Variants in ADGRD2 observed in about 807,000 individuals in gnomAD.
ADGRD2 encodes the protein G protein-coupled receptor PGR24.
A neutral mutation model predicts 44.4 loss-of-function variants in ADGRD2; 71 were observed. The ratio of observed to expected loss-of-function variants is 1.60; its 90% confidence interval spans 1.32 to 1.95. ADGRD2 has a LOEUF of 1.95. Among genes scored for constraint, ADGRD2 ranks in the 30% most tolerant of loss-of-function variants. The probability of loss-of-function intolerance (pLI) is 0.00; values close to 1 mark genes in which losing one functional copy is unlikely to be tolerated. For missense variants in ADGRD2, 1,039 were observed against 512.4 expected, an observed-to-expected ratio of 2.03 and a Z score of -9.92; for synonymous variants, 481 against 224.8, an observed-to-expected ratio of 2.14 and a Z score of -10.19.
chr9:124,457,342 C>A (rs1343021007), intron 7 of ADGRD2, 130 bp from the exon 11 acceptor site: 2 of 438,794 alleles, frequency 4.6e-6, no homozygotes, highest in South Asian at 7.7e-5. Context: ...AGTTGCTGAA[C>A]CTCTCTGAGC....
At chr9:124,473,212 G>A (rs1483593492) in intron 17 of ADGRD2, among the ~76,000 whole-genome samples, 1 of 152,236 alleles carries the variant, frequency 6.6e-6, no homozygotes, top group African/African-American at 2.4e-5. Flanking sequence ...GTGACCAAGT[G>A]ACCAGGGAGG....
rs570036668 is a variant in ADGRD2 at position 124,456,106 on chromosome 9, G to A, written c.1394-516G>A. Reference sequence around the variant, plus strand: ...CACTGCAGTAGACTGAGGAAAGCCAGACTGAAGCTCAGTTTTCTTCCCTGG... The same window carrying A: ...CACTGCAGTAGACTGAGGAAAGCCAAACTGAAGCTCAGTTTTCTTCCCTGG... On this transcript the variant is annotated intron_variant, in intron 6 of 21. Coordinates refer to ENST00000334810, the Ensembl canonical transcript of ADGRD2. 4.6e-5 allele frequency among the ~76,000 whole-genome samples: 7 copies of A among 152,340 alleles called. 1 individual carries two copies. In the South Asian group the frequency reaches 1.4e-3, roughly 32 times the overall value.
intron 14 of ADGRD2, 74 bp from the exon 18 acceptor site, chr9:124,469,148 G>A (rs908699124): frequency 1.1e-5 from 7 of 655,518 alleles, no homozygotes; most frequent in Non-Finnish European, 1.9e-5. Flanking sequence ...GCTGCGGCTT[G>A]GGGGGCGGAT....
Position 124,468,634 on chromosome 9 carries a change from C to T in ADGRD2, c.2351C>T (p.Pro784Leu), listed in dbSNP as rs761728780. 8.4e-6 allele frequency: 6 copies of T among 717,910 alleles called. No individual in the cohort carries two copies. In the East Asian group the frequency reaches 1.1e-4, roughly 13 times the overall value. The allele number at this position is 717,910 out of a possible 1,614,324, so 44.5% of individuals were successfully genotyped here. A position where few individuals can be genotyped will look rare whatever the true frequency, so the allele number is the denominator to read the frequency against. The change falls in exon 14 of 22, where the codon CCG becomes CTG. Residue 784 changes from proline to leucine, a missense_variant. Coordinates refer to ENST00000334810, the Ensembl canonical transcript of ADGRD2. ...AAGGTGGTAGCTGTGAGCATGCACC[C>T]GGGCCCAGGCATGCGGCTCTACCAC...
Position 124,458,253 on chromosome 9 carries a change from T to A in ADGRD2, c.1764+17T>A, listed in dbSNP as rs1245637364. 9 of 717,990 alleles carry A rather than the reference T, an allele frequency of 1.3e-5. No homozygotes were observed. The highest frequency in any genetic ancestry group is 2.7e-5 in the East Asian group (1 of 37,282). The allele number at this position is 717,990 out of a possible 1,614,324, so 44.5% of individuals were successfully genotyped here. A position where few individuals can be genotyped will look rare whatever the true frequency, so the allele number is the denominator to read the frequency against. Reference sequence around the variant, plus strand: ...GGTGCAGAGGTGAGTAGGCGCCACCTGGAGGGCTGTGAGGGCCTGTGTCCC... The same window carrying A: ...GGTGCAGAGGTGAGTAGGCGCCACCAGGAGGGCTGTGAGGGCCTGTGTCCC... On this transcript the variant is annotated intron_variant, in intron 9 of 21. Transcript: ENST00000334810.
At chr9:124,451,411 C>T, upstream of ADGRD2, 1 of 360,184 alleles carries the variant, frequency 2.8e-6, no homozygotes, top group Non-Finnish European at 5.5e-6. Context: ...CCTGAAGGGG[C>T]TCCTGGAGAC....
chr9:124,465,360 T>TC (rs892895921), intron 10 of ADGRD2: 3 of 151,756 alleles, frequency 2.0e-5, no homozygotes, highest in African/African-American at 7.3e-5. Flanking sequence ...AGGTTCTTTT[T>TC]TTTTTTTTTG....
exon 7 of ADGRD2, chr9:124,456,731 C>T: frequency 4.2e-6 from 3 of 707,058 alleles, no homozygotes; most frequent in Non-Finnish European, 7.8e-6. Flanking sequence ...CACCGCCATG[C>T]TGGTGAGCCT....
Position 124,475,558 on chromosome 9 carries a change from A to C in ADGRD2, c.2801-13A>C. 5.9e-6 allele frequency: 4 copies of C among 673,202 alleles called. No individual in the cohort carries two copies. Among genetic ancestry groups the C allele is most frequent in the Non-Finnish European group, 1.1e-5 (4 of 357,038 alleles). The allele number at this position is 673,202 out of a possible 1,614,324, so 41.7% of individuals were successfully genotyped here. A position where few individuals can be genotyped will look rare whatever the true frequency, so the allele number is the denominator to read the frequency against. ...GGGAGGGTCCCCAGCCTGACCTCCA[A>C]GTATTCCCCCAGGTGCGGAGCGCCC... On this transcript the variant is annotated splice_polypyrimidine_tract_variant and intron_variant, in intron 18 of 21. Coordinates refer to ENST00000334810, the Ensembl canonical transcript of ADGRD2.
At chr9:124,471,616 C>T (rs1831945951) in intron 17 of ADGRD2, among the ~76,000 whole-genome samples, 2 of 152,158 alleles carry the variant, frequency 1.3e-5, no homozygotes, top group South Asian at 4.1e-4. Context: ...GCAGCAGCAG[C>T]GGGGGCACCA....
intron 17 of ADGRD2, 143 bp downstream of exon 20, chr9:124,470,757 G>A: frequency 1.7e-6 from 1 of 586,468 alleles, no homozygotes; most frequent in Non-Finnish European, 3.1e-6. Flanking sequence ...TATCTAAGAA[G>A]GGGTTTTGAG....
upstream of ADGRD2, chr9:124,452,004 T>TCCCCCCCC: frequency 3.5e-5 from 4 of 114,466 alleles, no homozygotes; most frequent in South Asian, 6.0e-5. Context: ...AATGCCCCCC[T>TCCCCCCCC]CCCACCCACC....
At chr9:124,452,032 A>G (rs1294639695), upstream of ADGRD2, 10 of 447,576 alleles carry the variant, frequency 2.2e-5, no homozygotes, top group East Asian at 7.4e-5. Context: ...TAGGCATTCA[A>G]CAACTGCAAG....
intron 13 of ADGRD2, 130 bp downstream of exon 16, chr9:124,468,320 G>A (rs903605842): frequency 3.4e-5 from 23 of 682,100 alleles, no homozygotes; most frequent in Non-Finnish European, 5.6e-5. Context: ...GCAGGGCCCG[G>A]GGAGGAGCAG....
intron 17 of ADGRD2, among the ~76,000 whole-genome samples, chr9:124,473,638 AG>A (rs1831992684): frequency 6.6e-6 from 1 of 152,234 alleles, no homozygotes; most frequent in South Asian, 2.1e-4. Flanking sequence ...GGAGATGCCC[AG>A]GGCCAAAGAA....
intron 16 of ADGRD2, 113 bp from the exon 20 acceptor site, chr9:124,470,381 G>A (rs927536477): frequency 3.4e-5 from 21 of 609,830 alleles, no homozygotes; most frequent in Non-Finnish European, 5.4e-5. Context: ...CCATGGTCCC[G>A]GCCCTCAGCT....
chr9:124,464,521 G>A (rs944632130), intron 10 of ADGRD2, among the ~76,000 whole-genome samples: 41 of 152,132 alleles, frequency 2.7e-4, no homozygotes, highest in African/African-American at 9.4e-4. Context: ...CTACAATAAA[G>A]GACATGAAAG....
chr9:124,457,360 G>A (rs1831638064), intron 7 of ADGRD2, 112 bp from the exon 11 acceptor site: 3 of 455,224 alleles, frequency 6.6e-6, no homozygotes, highest in Non-Finnish European at 1.2e-5. Context: ...AGCAGGAATG[G>A]TGGCCTCCTA....
At position 124,452,643 on chromosome 9, in the gene ADGRD2, TG is replaced by T; in HGVS notation, c.206del (p.Val70PhefsTer56). 1 of 718,164 alleles carries T rather than the reference TG, an allele frequency of 1.4e-6. No homozygotes were observed. The highest frequency in any genetic ancestry group is 2.6e-6 in the Non-Finnish European group (1 of 385,092). 44.5% of individuals were successfully genotyped at this position (718,164 alleles called of 1,614,324 possible). On this transcript the variant is annotated frameshift_variant, in exon 2 of 22. Transcript: ENST00000334810. LOFTEE classifies it high-confidence loss of function. ...GCCACTTGGCACTGCAGCCCCCTGATGGGGTTCTTGCTTCACGGCTGCGCGA... is the reference window on the plus strand; with the variant it reads ...GCCACTTGGCACTGCAGCCCCCTGATGGGTTCTTGCTTCACGGCTGCGCGA...
Sources: allele counts gnomAD v4.1 joint callset (sites outside exome capture counted in the v4.1 genomes callset), GRCh38; gene constraint gnomAD v4.1.1; transcripts MANE v1.5; gene names NCBI Gene and HGNC (gene_info 2026-07-23, HGNC 2026-07-21).